SNTB1: variants seen among roughly 807,000 people sequenced by gnomAD.
The protein encoded by SNTB1 is beta-1-syntrophin.
SNTB1 carries 36 observed loss-of-function variants against 48.9 expected under a neutral mutation model. The observed-to-expected ratio is 0.74, with a 90% CI of 0.56 to 0.97. The LOEUF (loss-of-function observed/expected upper bound fraction) is 0.97. SNTB1 is among the 50% of genes least tolerant of loss of function. SNTB1 has a pLI of 0.00. For synonymous variants in SNTB1, 299 were observed against 294.6 expected, an observed-to-expected ratio of 1.01 and a Z score of -0.15; for missense variants, 786 against 703.4, an observed-to-expected ratio of 1.12 and a Z score of -1.33.
At chr8:120,638,661 G>T (rs1281139187) in intron 2 of SNTB1, among the ~76,000 whole-genome samples, 1 of 152,058 alleles carries the variant, frequency 6.6e-6, no homozygotes, top group Admixed American at 6.5e-5. Flanking sequence ...GTGGTGTTTG[G>T]TTTTTTGTCC....
chr8:120,703,038 T>G (rs1015678523), intron 1 of SNTB1, among the ~76,000 whole-genome samples: 1 of 152,214 alleles, frequency 6.6e-6, no homozygotes, highest in Non-Finnish European at 1.5e-5. Flanking sequence ...CTCAGGGACA[T>G]GCAATTAGCA....
At chr8:120,785,059 GA>G (rs1343085769) in intron 1 of SNTB1, among the ~76,000 whole-genome samples, 1 of 152,182 alleles carries the variant, frequency 6.6e-6, no homozygotes, top group African/African-American at 2.4e-5. Flanking sequence ...CTCCAGCAGG[GA>G]TGGAGGGAAA....
At chr8:120,635,809 GA>G (rs1817065731) in intron 2 of SNTB1, 1 of 249,874 alleles carries the variant, frequency 4.0e-6, no homozygotes, top group African/African-American at 2.3e-5. Flanking sequence ...ACATCCCTAA[GA>G]AGAGTCATAT....
intron 1 of SNTB1, among the ~76,000 whole-genome samples, chr8:120,739,368 T>C (rs1819005363): frequency 1.3e-5 from 2 of 152,144 alleles, no homozygotes; most frequent in South Asian, 4.1e-4. Flanking sequence ...TAATGAGAAG[T>C]GAGGACTTCC....
At chr8:120,645,099 C>T (rs1817265585) in intron 2 of SNTB1, among the ~76,000 whole-genome samples, 1 of 149,030 alleles carries the variant, frequency 6.7e-6, no homozygotes, top group Non-Finnish European at 1.5e-5. Flanking sequence ...AAAATTTTCT[C>T]CCATTTTGTA....
intron 5 of SNTB1, among the ~76,000 whole-genome samples, chr8:120,543,406 C>G (rs1815324304): frequency 6.6e-6 from 1 of 152,162 alleles, no homozygotes; most frequent in Non-Finnish European, 1.5e-5. Context: ...TCAGAACTTG[C>G]TGTACATCAT....
chr8:120,677,212 C>T (rs1330431424), intron 2 of SNTB1, among the ~76,000 whole-genome samples: 2 of 152,168 alleles, frequency 1.3e-5, no homozygotes, highest in African/African-American at 4.8e-5. Context: ...GCTCATGCAC[C>T]TTGTTTTATT....
intron 4 of SNTB1, among the ~76,000 whole-genome samples, chr8:120,572,217 C>T (rs1276869145): frequency 2.0e-5 from 3 of 152,212 alleles, no homozygotes; most frequent in Non-Finnish European, 2.9e-5. Flanking sequence ...CACCTTATTT[C>T]TGTCTACATC....
intron 1 of SNTB1, among the ~76,000 whole-genome samples, chr8:120,763,164 G>A (rs962324095): frequency 5.3e-5 from 8 of 152,140 alleles, no homozygotes; most frequent in African/African-American, 1.9e-4. Context: ...TAGATATCAT[G>A]AATCTTATAT....
At chr8:120,599,112 C>A (rs545385826) in intron 3 of SNTB1, among the ~76,000 whole-genome samples, 9 of 152,156 alleles carry the variant, frequency 5.9e-5, no homozygotes, top group Non-Finnish European at 1.2e-4. Context: ...CTGTAGAAAA[C>A]AAGCCAGGCA....
intron 3 of SNTB1, among the ~76,000 whole-genome samples, chr8:120,608,976 C>T (rs1171349589): frequency 6.6e-6 from 1 of 152,020 alleles, no homozygotes; most frequent in Non-Finnish European, 1.5e-5. Flanking sequence ...AGACACTGAA[C>T]AAAATAACAT....
At chr8:120,638,324 G>C (rs1817117866) in intron 2 of SNTB1, 1 of 152,144 alleles carries the variant, frequency 6.6e-6, no homozygotes, top group African/African-American at 2.4e-5. Flanking sequence ...CCGTCTCAGT[G>C]CCTCTCTGGA....
chr8:120,778,156 A>G (rs867890128), intron 1 of SNTB1, among the ~76,000 whole-genome samples: 22 of 152,320 alleles, frequency 1.4e-4, no homozygotes, highest in Middle Eastern at 3.4e-3. Context: ...TCCTGTTAGC[A>G]GGGAAAACAC....
At chr8:120,635,609 C>A in intron 2 of SNTB1, 1 of 170,242 alleles carries the variant, frequency 5.9e-6, no homozygotes. Context: ...TACTTTTTTC[C>A]AGCACTGCTG....
At chr8:120,748,014 T>C (rs140413603) in intron 1 of SNTB1, among the ~76,000 whole-genome samples, 23 of 152,334 alleles carry the variant, frequency 1.5e-4, no homozygotes, top group African/African-American at 5.1e-4. Flanking sequence ...TGCTAGTTAT[T>C]TTCTGTGTGA....
chr8:120,803,854 A>G lies in SNTB1; in HGVS notation c.571+7419T>C, dbSNP rs182799063. Among the ~76,000 whole-genome samples, 6 of 152,326 alleles carry G rather than the reference A, an allele frequency of 3.9e-5. No homozygotes were observed. In the East Asian group the frequency reaches 1.2e-3, roughly 29 times the overall value. ...CTCCTCAGGTAGAAAGCGTTCTTACATATTCAGACTTGTAGGTCCCTGAGC... is the reference window on the plus strand; with the variant it reads ...CTCCTCAGGTAGAAAGCGTTCTTACGTATTCAGACTTGTAGGTCCCTGAGC... On this transcript the variant is annotated intron_variant, in intron 1 of 6. Transcript: ENST00000517992.
chr8:120,713,260 G>A (rs943557552), intron 1 of SNTB1, among the ~76,000 whole-genome samples: 1 of 152,114 alleles, frequency 6.6e-6, no homozygotes, highest in Non-Finnish European at 1.5e-5. Context: ...ACAGAGTGAA[G>A]TACTCAGACC....
At chr8:120,665,501 C>T (rs1211109951) in intron 2 of SNTB1, among the ~76,000 whole-genome samples, 1 of 152,014 alleles carries the variant, frequency 6.6e-6, no homozygotes, top group Admixed American at 6.6e-5. Context: ...AGTTATTTAT[C>T]AATACACACT....
chr8:120,693,803 G>A lies in SNTB1; in HGVS notation c.677C>T (p.Thr226Ile), dbSNP rs775666986. The change falls in exon 2 of 7, where the codon ACC (threonine) becomes ATC (isoleucine). Residue 226 changes from threonine (T) to isoleucine (I), a missense_variant. Physicochemically the swap from Thr to Ile is moderately conservative, Grantham distance 89. Coordinates refer to ENST00000517992, the MANE Select transcript of SNTB1 (RefSeq NM_021021.4). ...GGACTGCGATGACGGGGGGTCTGAG[G>A]TGCTGCCCCCTAACCGAGGGGATTC... ...PPESPRLGGS[T>I]SDPPSSQSFS... The A allele has an allele frequency of 6.9e-5, 111 of 1,614,000 alleles. No individual in the cohort carries two copies. The highest frequency in any genetic ancestry group is 8.9e-5 in the Non-Finnish European group (105 of 1,179,970).
Sources: gnomAD v4.1 joint callset for allele counts (sites outside exome capture counted in the v4.1 genomes callset) on GRCh38, gnomAD v4.1.1 for gene constraint, MANE v1.5 for transcripts, NCBI Gene and HGNC (gene_info 2026-07-23, HGNC 2026-07-21) for gene names.